The following GABBR2 variants were observed in gnomAD, a reference collection of about 807,000 sequenced individuals.
The protein encoded by GABBR2 is G-protein coupled receptor 51.
In GABBR2, 23 loss-of-function variants were observed where a neutral mutation model predicts 105.6. The observed-to-expected ratio is 0.22, with a 90% CI of 0.16 to 0.31. GABBR2 has a LOEUF of 0.31. Ranked by LOEUF, GABBR2 falls within the 10% of genes least tolerant of loss-of-function variation. The probability of loss-of-function intolerance (pLI) is 1.00; values close to 1 mark genes in which losing one functional copy is unlikely to be tolerated. For synonymous variants in GABBR2, 478 were observed against 499.7 expected, an observed-to-expected ratio of 0.96 and a Z score of 0.58; for missense variants, 734 against 1,245.5, an observed-to-expected ratio of 0.59 and a Z score of 6.18.
intron 17 of GABBR2, among the ~76,000 whole-genome samples, chr9:98,297,859 T>TAAA (rs145636576): frequency 7.2e-6 from 1 of 139,216 alleles, no homozygotes; most frequent in African/African-American, 2.6e-5. Context: ...CTGTCTCTAC[T>TAAA]AAAAAAAAAA....
intron 1 of GABBR2, among the ~76,000 whole-genome samples, chr9:98,587,611 T>C (rs747709886): frequency 2.6e-4 from 39 of 152,322 alleles, no homozygotes; most frequent in Non-Finnish European, 4.3e-4. Context: ...AAGATAATAA[T>C]GGAACATAAA....
chr9:98,565,918 T>G (rs1167767), intron 2 of GABBR2, among the ~76,000 whole-genome samples: 51,619 of 152,142 alleles, frequency 0.34, 9,679 homozygotes, highest in East Asian at 0.62. Flanking sequence ...AACACAACAC[T>G]GGACGGGGCA....
intron 7 of GABBR2, among the ~76,000 whole-genome samples, chr9:98,429,021 T>A (rs545766097): frequency 3.3e-5 from 5 of 152,132 alleles, no homozygotes; most frequent in Non-Finnish European, 7.4e-5. Flanking sequence ...GACCATTGAT[T>A]TCATTTTACA....
intron 6 of GABBR2, among the ~76,000 whole-genome samples, chr9:98,470,866 C>T (rs1588178852): frequency 6.6e-6 from 1 of 152,004 alleles, no homozygotes; most frequent in South Asian, 2.1e-4. Context: ...GTATCTGGCA[C>T]CCTTTTAAAT....
At chr9:98,333,914 C>T (rs1158424048) in intron 13 of GABBR2, among the ~76,000 whole-genome samples, 4 of 152,192 alleles carry the variant, frequency 2.6e-5, no homozygotes, top group African/African-American at 4.8e-5. Flanking sequence ...TCAGTTTCCT[C>T]ATCTGTAGAC....
At chr9:98,624,817 G>A (rs552539584) in intron 1 of GABBR2, among the ~76,000 whole-genome samples, 45 of 152,322 alleles carry the variant, frequency 3.0e-4, no homozygotes, top group African/African-American at 9.6e-4. Flanking sequence ...CCCCGAGCCC[G>A]GGGCAGACAG....
intron 11 of GABBR2, among the ~76,000 whole-genome samples, chr9:98,376,641 C>T (rs978443219): frequency 1.1e-4 from 17 of 152,144 alleles, no homozygotes; most frequent in Non-Finnish European, 2.5e-4. Context: ...GCAAGGGCGA[C>T]AGATAAATCC....
chr9:98,318,137 C>A (rs547677684), intron 13 of GABBR2, among the ~76,000 whole-genome samples: 32 of 152,298 alleles, frequency 2.1e-4, no homozygotes, highest in African/African-American at 7.5e-4. Flanking sequence ...AGCGAGAGGA[C>A]AGCATGGCTT....
intron 3 of GABBR2, among the ~76,000 whole-genome samples, chr9:98,531,505 T>A (rs73488487): frequency 6.6e-6 from 1 of 152,234 alleles, no homozygotes; most frequent in Non-Finnish European, 1.5e-5. Flanking sequence ...CAGCCACCAC[T>A]GAGCAAAACA....
intron 7 of GABBR2, among the ~76,000 whole-genome samples, chr9:98,413,507 A>G (rs1366045389): frequency 6.6e-6 from 1 of 152,132 alleles, no homozygotes; most frequent in Non-Finnish European, 1.5e-5. Context: ...TTTGTACACA[A>G]TTTAAAATAT....
chr9:98,301,556 G>C (rs970407401), intron 16 of GABBR2, among the ~76,000 whole-genome samples: 1 of 152,222 alleles, frequency 6.6e-6, no homozygotes, highest in Admixed American at 6.5e-5. Context: ...TTCATGTGGA[G>C]GAGGAGGGAA....
At chr9:98,421,578 G>C (rs1832783077) in intron 7 of GABBR2, among the ~76,000 whole-genome samples, 1 of 152,070 alleles carries the variant, frequency 6.6e-6, no homozygotes, top group East Asian at 1.9e-4. Context: ...TTTTGGCTTA[G>C]AGAAAAAAAT....
chr9:98,441,194 T>G (rs1293341833), intron 7 of GABBR2, among the ~76,000 whole-genome samples: 1 of 152,184 alleles, frequency 6.6e-6, no homozygotes, highest in East Asian at 1.9e-4. Context: ...AATACCATTA[T>G]TTCCCTCTAA....
intron 12 of GABBR2, among the ~76,000 whole-genome samples, chr9:98,369,328 G>A (rs1831737537): frequency 6.6e-6 from 1 of 152,134 alleles, no homozygotes; most frequent in Non-Finnish European, 1.5e-5. Flanking sequence ...AGGGGGCAGA[G>A]AACAGAATAT....
chr9:98,568,960 T>C (rs2131771399), intron 2 of GABBR2, among the ~76,000 whole-genome samples: 1 of 152,234 alleles, frequency 6.6e-6, no homozygotes, highest in East Asian at 1.9e-4. Flanking sequence ...CTGCCCTCTC[T>C]GCTTGGCCCA....
intron 13 of GABBR2, among the ~76,000 whole-genome samples, chr9:98,325,735 CTTAG>C (rs766608365): frequency 3.3e-5 from 5 of 152,176 alleles, no homozygotes; most frequent in Admixed American, 6.5e-5. Context: ...CTGAACTTGC[CTTAG>C]TTATCTGGCA....
Position 98,540,193 on chromosome 9 carries a change from C to T in GABBR2, c.630+1680G>A, listed in dbSNP as rs183412844. 5.1e-3 allele frequency among the ~76,000 whole-genome samples: 781 copies of T among 152,276 alleles called. 10 individuals carry two copies. Among genetic ancestry groups the T allele is most frequent in the African/African-American group, 0.018 (750 of 41,554 alleles). The stretch of plus-strand genomic sequence containing the variant: ...GAGAAACAGAGAGGTGGGAAGATGA[C>T]GAGCAGTCTTGCCTGGGAAAAGCTT... On this transcript the variant is annotated intron_variant, in intron 3 of 18. Coordinates refer to ENST00000259455, the MANE Select transcript of GABBR2 (RefSeq NM_005458.8).
At chr9:98,648,132 G>GTGTGTGTGTGTGTGT (rs1564140835) in intron 1 of GABBR2, among the ~76,000 whole-genome samples, 2 of 93,964 alleles carry the variant, frequency 2.1e-5, no homozygotes, top group Admixed American at 9.8e-5. Flanking sequence ...TAGATAGATA[G>GTGTGTGTGTGTGTGT]ATAGATAGAT....
At chr9:98,396,395 C>G (rs1832290898) in intron 8 of GABBR2, among the ~76,000 whole-genome samples, 1 of 152,216 alleles carries the variant, frequency 6.6e-6, no homozygotes. Flanking sequence ...ACTGCTGGCC[C>G]TTAGAAACAT....
Sources: gnomAD v4.1 joint callset for allele counts (sites outside exome capture counted in the v4.1 genomes callset) on GRCh38, gnomAD v4.1.1 for gene constraint, MANE v1.5 for transcripts, NCBI Gene and HGNC (gene_info 2026-07-23, HGNC 2026-07-21) for gene names.